The following CLYBL variants were observed in gnomAD, a reference collection of about 807,000 sequenced individuals.
The protein encoded by CLYBL is citramalyl-CoA lyase.
CLYBL carries 31 observed loss-of-function variants against 38.9 expected under a neutral mutation model. That is an observed-to-expected ratio of 0.80 (90% CI 0.60 to 1.08). The LOEUF is 1.08. Among genes scored for constraint, CLYBL ranks in the 50% least tolerant of loss-of-function variants. The probability of loss-of-function intolerance (pLI) is 0.00; values close to 1 mark genes in which losing one functional copy is unlikely to be tolerated. For synonymous variants in CLYBL, 171 were observed against 158.6 expected (o/e 1.08, Z -0.59); for missense variants, 434 against 411.6 (o/e 1.05, Z -0.47).
At chr13:99,695,951 T>G (rs1401914288) in intron 1 of CLYBL, among the ~76,000 whole-genome samples, 2 of 152,188 alleles carry the variant, frequency 1.3e-5, no homozygotes, top group Non-Finnish European at 2.9e-5. Flanking sequence ...CAGTACTCAG[T>G]AGGACAAGGT....
chr13:99,606,712 T>TGCGGAGGGCGGTGC lies in CLYBL; in HGVS notation c.28_29insTGCGCGGAGGGCGG (p.Ala10ValfsTer15). ...GTCGGGAAGATGGCGCTACGTCTGC[T>TGCGGAGGGCGGTGC]GCGGAGGGCGGCGCGCGGAGCTGCG... On this transcript the variant is annotated frameshift_variant, in exon 1 of 9. Transcript: ENST00000339105. LOFTEE classifies it high-confidence loss of function. The TGCGGAGGGCGGTGC allele has an allele frequency of 6.7e-7, 1 of 1,493,424 alleles. No individual in the cohort carries two copies. Among genetic ancestry groups the TGCGGAGGGCGGTGC allele is most frequent in the South Asian group, 1.3e-5 (1 of 78,756 alleles). 92.5% of individuals were successfully genotyped at this position (1,493,424 alleles called of 1,614,324 possible).
intron 1 of CLYBL, among the ~76,000 whole-genome samples, chr13:99,708,054 G>T (rs1041400350): frequency 2.0e-5 from 3 of 152,126 alleles, no homozygotes; most frequent in Admixed American, 1.3e-4. Flanking sequence ...CGCAATCTCA[G>T]CTCACTGCAA....
intron 1 of CLYBL, among the ~76,000 whole-genome samples, chr13:99,746,326 A>G (rs574912188): frequency 3.3e-5 from 5 of 151,354 alleles, no homozygotes; most frequent in Non-Finnish European, 7.4e-5. Context: ...TGAACAAGCT[A>G]GGAAATAGTC....
chr13:99,736,940 G>T (rs1259303710), intron 1 of CLYBL, among the ~76,000 whole-genome samples: 1 of 152,022 alleles, frequency 6.6e-6, no homozygotes, highest in Non-Finnish European at 1.5e-5. Flanking sequence ...ATGAAATACT[G>T]ACTAAAAATT....
intron 6 of CLYBL, among the ~76,000 whole-genome samples, chr13:99,870,710 C>G (rs1239791580): frequency 6.6e-6 from 1 of 152,136 alleles, no homozygotes; most frequent in Non-Finnish European, 1.5e-5. Flanking sequence ...TCTATAGGAT[C>G]GGAAACACAA....
At chr13:99,823,818 T>G (rs1935019542) in intron 2 of CLYBL, among the ~76,000 whole-genome samples, 1 of 152,196 alleles carries the variant, frequency 6.6e-6, no homozygotes, top group Non-Finnish European at 1.5e-5. Flanking sequence ...TATGTTCTAT[T>G]TTTCCCCAAC....
At chr13:99,892,864 G>A (rs2052520566), downstream of CLYBL, 1 of 152,222 alleles carries the variant, frequency 6.6e-6, no homozygotes, top group Non-Finnish European at 1.5e-5. Context: ...GAGGTGAGGA[G>A]CTGAGGTTAG....
intron 1 of CLYBL, among the ~76,000 whole-genome samples, chr13:99,729,860 G>C (rs527957108): frequency 6.7e-6 from 1 of 148,754 alleles, no homozygotes; most frequent in East Asian, 2.0e-4. Flanking sequence ...CCTTCCCCCC[G>C]CCAGCCTCGG....
chr13:99,829,000 C>T (rs2050751953), intron 2 of CLYBL, among the ~76,000 whole-genome samples: 1 of 152,176 alleles, frequency 6.6e-6, no homozygotes, highest in African/African-American at 2.4e-5. Context: ...ACTCTGAAGC[C>T]AGCAGCCATG....
intron 1 of CLYBL, among the ~76,000 whole-genome samples, chr13:99,706,874 C>T (rs968966838): frequency 3.9e-5 from 6 of 152,174 alleles, no homozygotes; most frequent in Non-Finnish European, 5.9e-5. Context: ...GTGGTTGCAG[C>T]TCACTGCAGC....
chr13:99,671,702 C>T (rs2047566785), intron 1 of CLYBL, among the ~76,000 whole-genome samples: 1 of 151,604 alleles, frequency 6.6e-6, no homozygotes, highest in South Asian at 2.1e-4. Context: ...ATCACTTGAA[C>T]CTAAGAGGCA....
chr13:99,669,063 G>A (rs369356434), intron 1 of CLYBL, among the ~76,000 whole-genome samples: 3 of 151,194 alleles, frequency 2.0e-5, no homozygotes, highest in African/African-American at 4.9e-5. Context: ...GTGCAGTGGC[G>A]CGATCTCGGC....
intron 2 of CLYBL, among the ~76,000 whole-genome samples, chr13:99,838,414 C>T (rs141019503): frequency 6.6e-6 from 1 of 152,192 alleles, no homozygotes; most frequent in East Asian, 1.9e-4. Context: ...CCAGAAAGAA[C>T]CTTAGAGTTT....
At chr13:99,730,030 C>T (rs1276816679) in intron 1 of CLYBL, among the ~76,000 whole-genome samples, 1 of 143,672 alleles carries the variant, frequency 7.0e-6, no homozygotes, top group Non-Finnish European at 1.5e-5. Context: ...GTTGGTCCCA[C>T]ATCAGCGTGG....
chr13:99,822,298 G>A (rs530676587), intron 2 of CLYBL, among the ~76,000 whole-genome samples: 15 of 152,364 alleles, frequency 9.8e-5, no homozygotes, highest in African/African-American at 3.6e-4. Flanking sequence ...CAAGTCCAAA[G>A]TAGGTAGAGA....
chr13:99,708,668 A>G (rs1261604649), intron 1 of CLYBL, among the ~76,000 whole-genome samples: 1 of 152,240 alleles, frequency 6.6e-6, no homozygotes, highest in Non-Finnish European at 1.5e-5. Flanking sequence ...GTAAGAGCCC[A>G]GTAAATACTA....
intron 2 of CLYBL, among the ~76,000 whole-genome samples, chr13:99,841,423 A>G (rs1174006106): frequency 6.6e-6 from 1 of 152,158 alleles, no homozygotes; most frequent in Non-Finnish European, 1.5e-5. Context: ...TATTTTTAAG[A>G]CAGTCTCAGC....
At chr13:99,817,741 G>T (rs149587410) in intron 2 of CLYBL, among the ~76,000 whole-genome samples, 3,828 of 151,990 alleles carry the variant, frequency 0.025, 95 homozygotes, top group East Asian at 0.08. Flanking sequence ...GGTGGCTCAT[G>T]CCTATAATCC....
chr13:99,824,415 G>A (rs1320753408), intron 2 of CLYBL, among the ~76,000 whole-genome samples: 2 of 152,012 alleles, frequency 1.3e-5, no homozygotes, highest in Non-Finnish European at 2.9e-5. Flanking sequence ...CCCCACTTTT[G>A]GATTGAAACA....
Sources: allele counts gnomAD v4.1 joint callset (sites outside exome capture counted in the v4.1 genomes callset), GRCh38; gene constraint gnomAD v4.1.1; transcripts MANE v1.5; gene names NCBI Gene and HGNC (gene_info 2026-07-23, HGNC 2026-07-21).